IFT52: variants seen among roughly 807,000 people sequenced by gnomAD.
IFT52 encodes intraflagellar transport protein 52 homolog.
IFT52 carries 44 observed loss-of-function variants against 54.4 expected under a neutral mutation model. The ratio of observed to expected loss-of-function variants is 0.81; its 90% CI spans 0.63 to 1.04. IFT52 has a LOEUF of 1.04. IFT52 is among the 50% of genes least tolerant of loss of function. The pLI, the probability that IFT52 is intolerant of heterozygous loss-of-function variation, is 0.00. For missense variants in IFT52, 452 were observed against 523.6 expected, an observed-to-expected ratio of 0.86 and a Z score of 1.33; for synonymous variants, 181 against 185.3, an observed-to-expected ratio of 0.98 and a Z score of 0.19.
chr20:43,597,222 T>A (rs891993881), intron 3 of IFT52, among the ~76,000 whole-genome samples: 7 of 151,300 alleles, frequency 4.6e-5, no homozygotes, highest in African/African-American at 1.7e-4. Context: ...AAATACAAAA[T>A]TAGCCAGGCG....
intron 12 of IFT52, among the ~76,000 whole-genome samples, chr20:43,640,428 C>T (rs1247946173): frequency 6.6e-6 from 1 of 152,038 alleles, no homozygotes; most frequent in Non-Finnish European, 1.5e-5. Context: ...CCACTGTACT[C>T]CAGTCTGGGT....
chr20:43,623,261 T>C (rs1984474729), intron 9 of IFT52, among the ~76,000 whole-genome samples: 1 of 152,172 alleles, frequency 6.6e-6, no homozygotes, highest in Non-Finnish European at 1.5e-5. Context: ...CACGGCTCAC[T>C]GCAGTGTTGA....
intron 8 of IFT52, among the ~76,000 whole-genome samples, chr20:43,619,804 C>T (rs544701824): frequency 2.3e-4 from 35 of 151,620 alleles, no homozygotes; most frequent in South Asian, 2.1e-4. Flanking sequence ...GAGAAAGAAA[C>T]GCCTTATAAT....
Position 43,603,760 on chromosome 20 carries a change from T to C in IFT52, c.208T>C (p.Phe70Leu). Residue 70 changes from phenylalanine (F) to leucine (L), a missense_variant and splice_region_variant, in exon 4 of 14, where the codon TTT (phenylalanine) becomes CTT (leucine). Coordinates refer to ENST00000373030, the MANE Select transcript of IFT52 (RefSeq NM_016004.5). ...GPREKFTAAE[F>L]EILKKYLDTG... ...TAGATTGCTTTTTTCCTTTGTGTAGTTTGAAATCCTGAAGAAATATCTTGA... is the reference window on the plus strand; with the variant it reads ...TAGATTGCTTTTTTCCTTTGTGTAGCTTGAAATCCTGAAGAAATATCTTGA... 2 of 1,611,914 alleles carry C rather than the reference T, an allele frequency of 1.2e-6. No individual in the cohort carries two copies. The highest frequency in any genetic ancestry group is 1.7e-6 in the Non-Finnish European group (2 of 1,179,354).
At chr20:43,599,424 G>A (rs1281083575) in intron 3 of IFT52, among the ~76,000 whole-genome samples, 2 of 152,146 alleles carry the variant, frequency 1.3e-5, no homozygotes, top group East Asian at 1.9e-4. Context: ...CAAGTCCTTC[G>A]AGAGGCAAAT....
In IFT52 at chr20:43,623,772, A is replaced by C. The variant is rs1319668231; in HGVS notation, c.769-119A>C. 6 of 1,139,114 alleles carry C rather than the reference A, an allele frequency of 5.3e-6. No homozygotes were observed. The African/African-American group carries it at 7.7e-5, about 15-fold the overall frequency. 70.6% of individuals were successfully genotyped at this position (1,139,114 alleles called of 1,614,324 possible). ...AGGTTTAGTGTCAGTGATCATGAAC[A>C]GTAAAATTTCTTGGCAAGAGAATAT... On this transcript the variant is annotated intron_variant, in intron 9 of 13. Transcript: ENST00000373030.
intron 3 of IFT52, among the ~76,000 whole-genome samples, chr20:43,597,518 T>C (rs935636934): frequency 7.2e-5 from 11 of 152,188 alleles, no homozygotes; most frequent in Admixed American, 6.5e-4. Context: ...TTGGAACCCT[T>C]CCACACTGAT....
At chr20:43,641,764 G>A (rs1433922220) in intron 12 of IFT52, among the ~76,000 whole-genome samples, 2 of 152,198 alleles carry the variant, frequency 1.3e-5, no homozygotes, top group Non-Finnish European at 2.9e-5. Context: ...AAAGTGCTGG[G>A]ATTACAGGCG....
intron 2 of IFT52, among the ~76,000 whole-genome samples, chr20:43,596,213 C>T (rs965554005): frequency 1.3e-5 from 2 of 152,302 alleles, no homozygotes; most frequent in Non-Finnish European, 2.9e-5. Context: ...TTGATTTGAA[C>T]ACCTTGACTT....
intron 10 of IFT52, among the ~76,000 whole-genome samples, chr20:43,632,708 A>G (rs1183689544): frequency 6.6e-6 from 1 of 152,184 alleles, no homozygotes; most frequent in Non-Finnish European, 1.5e-5. Flanking sequence ...GTGGATATTC[A>G]GTAATTATTT....
intron 10 of IFT52, among the ~76,000 whole-genome samples, chr20:43,628,435 C>G (rs1359624641): frequency 1.3e-5 from 2 of 152,170 alleles, no homozygotes; most frequent in Non-Finnish European, 2.9e-5. Flanking sequence ...ATCGCCTACT[C>G]AAGCACAGAT....
chr20:43,610,162 C>T (rs1458748928), intron 6 of IFT52, among the ~76,000 whole-genome samples: 2 of 150,316 alleles, frequency 1.3e-5, no homozygotes, highest in Non-Finnish European at 3.0e-5. Flanking sequence ...CGTGGTGGCA[C>T]AAGCCTGTAA....
rs754046046 is a variant in IFT52, at chr20:43,637,268, C to CT, written c.1120+26dup. 0.04 allele frequency: 44,684 copies of CT among 1,128,950 alleles called. 11 individuals are homozygous for CT. The highest frequency in any genetic ancestry group is 0.043 in the East Asian group (1,390 of 32,308). 69.9% of individuals were successfully genotyped at this position (1,128,950 alleles called of 1,614,324 possible). On this transcript the variant is annotated intron_variant, in intron 12 of 13. Coordinates refer to ENST00000373030, the MANE Select transcript of IFT52 (RefSeq NM_016004.5). ...TACCAATAAGTGTAAGTTTGGCGAA[C>CT]TTTTTTTTTTTGAGACAGAGTTTCA... is the stretch of plus-strand genomic sequence containing the variant.
chr20:43,647,097 T>A lies in IFT52; in HGVS notation c.*114T>A. ...TTTATACACTCTTTCCTCCATGAGC[T>A]CTGGAAGGTATATGCATCTTCTGTA... On this transcript the variant is annotated 3_prime_UTR_variant, in exon 14 of 14. Coordinates refer to ENST00000373030, the MANE Select transcript of IFT52 (RefSeq NM_016004.5). 5 of 917,600 alleles carry A rather than the reference T, an allele frequency of 5.4e-6. No homozygotes were observed. Among genetic ancestry groups the A allele is most frequent in the Middle Eastern group, 2.1e-4 (1 of 4,710 alleles). The allele number at this position is 917,600 out of a possible 1,614,324, so 56.8% of individuals were successfully genotyped here.
intron 6 of IFT52, among the ~76,000 whole-genome samples, chr20:43,611,316 C>A (rs959581981): frequency 6.6e-6 from 1 of 152,034 alleles, no homozygotes; most frequent in Non-Finnish European, 1.5e-5. Flanking sequence ...CAAGCTATTC[C>A]GTCTTTTAGG....
At chr20:43,591,683 T>C (rs1262320508) in intron 1 of IFT52, among the ~76,000 whole-genome samples, 4 of 152,154 alleles carry the variant, frequency 2.6e-5, no homozygotes, top group Non-Finnish European at 2.9e-5. Context: ...AAATTAATGC[T>C]AATAAGGGAG....
At chr20:43,604,032 G>T in intron 4 of IFT52, 143 bp downstream of exon 4, 1 of 917,304 alleles carries the variant, frequency 1.1e-6, no homozygotes, top group Non-Finnish European at 1.7e-6. Flanking sequence ...TCAGCAGTCT[G>T]AGCCTCCTAG....
intron 10 of IFT52, among the ~76,000 whole-genome samples, chr20:43,635,364 C>T (rs554853662): frequency 2.0e-5 from 3 of 152,130 alleles, no homozygotes; most frequent in African/African-American, 7.2e-5. Context: ...GATCTCTGCT[C>T]ACTGTAACCT....
intron 3 of IFT52, among the ~76,000 whole-genome samples, chr20:43,602,138 T>TGA (rs770823377): frequency 4.6e-4 from 26 of 56,900 alleles, no homozygotes; most frequent in Middle Eastern, 0.01. Flanking sequence ...TTGAGCTGAT[T>TGA]TTTATTTTAT....
Sources: allele counts gnomAD v4.1 joint callset (sites outside exome capture counted in the v4.1 genomes callset), GRCh38; gene constraint gnomAD v4.1.1; transcripts MANE v1.5; gene names NCBI Gene and HGNC (gene_info 2026-07-23, HGNC 2026-07-21).